The following NSD3 variants were observed in gnomAD, a reference collection of about 807,000 sequenced individuals.
NSD3 encodes the protein histone-lysine N-methyltransferase NSD3.
NSD3 carries 24 observed loss-of-function variants against 160.8 expected under a neutral mutation model. The ratio of observed to expected loss-of-function variants is 0.15; its 90% CI spans 0.11 to 0.21. The LOEUF is 0.21. NSD3 is among the 10% of genes least tolerant of loss of function. The pLI, the probability that NSD3 is intolerant of heterozygous loss-of-function variation, is 1.00. For missense variants in NSD3, 1,157 were observed against 1,735.9 expected, an observed-to-expected ratio of 0.67 and a Z score of 5.93; for synonymous variants, 520 against 600.0, an observed-to-expected ratio of 0.87 and a Z score of 1.95.
rs370898013 is a variant in NSD3 at position 38,314,765 on chromosome 8, T to C, written c.2124A>G (p.Glu708=). ...SKKDTVCQIC[E]SSGDSLIPCE... is the part of the protein sequence containing the mutation. Reference sequence around the variant, plus strand: ...AAGGAATCAGAGAGTCACCAGAGCTTTCACAAATCTGTAATATGGCAAAAA... The same window carrying C: ...AAGGAATCAGAGAGTCACCAGAGCTCTCACAAATCTGTAATATGGCAAAAA... Residue 708 remains glutamate, a synonymous_variant, in exon 12 of 24, where the codon GAA becomes GAG. Coordinates refer to ENST00000317025, the MANE Select transcript of NSD3 (RefSeq NM_023034.2). The C allele has an allele frequency of 1.2e-6, 2 of 1,613,888 alleles. No homozygotes were observed. Among genetic ancestry groups the C allele is most frequent in the Middle Eastern group, 1.6e-4 (1 of 6,062 alleles).
chr8:38,340,209 G>C (rs993924324), intron 2 of NSD3, among the ~76,000 whole-genome samples: 3 of 151,898 alleles, frequency 2.0e-5, no homozygotes, highest in Non-Finnish European at 4.4e-5. Flanking sequence ...CATTAAAGTA[G>C]GTCTTCACTC....
At chr8:38,300,029 AC>A (rs2131004965) in intron 14 of NSD3, among the ~76,000 whole-genome samples, 1 of 152,158 alleles carries the variant, frequency 6.6e-6, no homozygotes, top group South Asian at 2.1e-4. Flanking sequence ...ATCAAGTAGC[AC>A]TTTAATGCAG....
At chr8:38,359,149 A>T (rs1810897674) in intron 1 of NSD3, among the ~76,000 whole-genome samples, 1 of 152,190 alleles carries the variant, frequency 6.6e-6, no homozygotes, top group Non-Finnish European at 1.5e-5. Context: ...GGTATTGCCC[A>T]TTTAGGTTTT....
chr8:38,347,280 C>T (rs185496262), intron 2 of NSD3, among the ~76,000 whole-genome samples: 34 of 152,230 alleles, frequency 2.2e-4, no homozygotes, highest in African/African-American at 7.7e-4. Flanking sequence ...CAGAAAGATT[C>T]GTTTTACATG....
intron 1 of NSD3, among the ~76,000 whole-genome samples, chr8:38,358,837 G>C (rs917049827): frequency 6.6e-6 from 1 of 151,984 alleles, no homozygotes; most frequent in Non-Finnish European, 1.5e-5. Flanking sequence ...AAAGATCTCC[G>C]GGTGACAGCA....
chr8:38,307,437 A>G (rs1486508284), intron 12 of NSD3, among the ~76,000 whole-genome samples: 1 of 152,126 alleles, frequency 6.6e-6, no homozygotes, highest in Non-Finnish European at 1.5e-5. Flanking sequence ...AAGTACATTC[A>G]CTTTCTGCCT....
intron 1 of NSD3, among the ~76,000 whole-genome samples, chr8:38,358,260 G>A (rs1324245594): frequency 6.6e-6 from 1 of 152,020 alleles, no homozygotes; most frequent in Non-Finnish European, 1.5e-5. Flanking sequence ...CTTGATAGAT[G>A]TACATGAGAA....
intron 22 of NSD3, among the ~76,000 whole-genome samples, chr8:38,277,360 C>A (rs938345328): frequency 6.6e-6 from 1 of 152,236 alleles, no homozygotes; most frequent in Non-Finnish European, 1.5e-5. Flanking sequence ...TCACTGCAAC[C>A]TCTGCCTCCC....
chr8:38,336,301 C>A (rs1810214303), intron 4 of NSD3: 2 of 152,204 alleles, frequency 1.3e-5, no homozygotes, highest in Admixed American at 1.3e-4. Context: ...TAAGCAAGTT[C>A]ATTTCAAATG....
chr8:38,377,841 A>T (rs1212465996), intron 1 of NSD3, among the ~76,000 whole-genome samples: 1 of 151,994 alleles, frequency 6.6e-6, no homozygotes, highest in African/African-American at 2.4e-5. Context: ...ACTGAGGCAG[A>T]AGAACCGCTT....
At chr8:38,371,262 A>G (rs917695345) in intron 1 of NSD3, among the ~76,000 whole-genome samples, 1 of 152,150 alleles carries the variant, frequency 6.6e-6, no homozygotes, top group Non-Finnish European at 1.5e-5. Flanking sequence ...TTGTCTTTAT[A>G]CCTTCTGGTT....
intron 16 of NSD3, among the ~76,000 whole-genome samples, chr8:38,293,324 G>A (rs531319061): frequency 2.6e-5 from 4 of 152,092 alleles, no homozygotes; most frequent in East Asian, 1.9e-4. Context: ...GGCTGAGGCC[G>A]GTGGATCAGG....
chr8:38,302,770 G>T (rs1809306906), intron 14 of NSD3, among the ~76,000 whole-genome samples: 2 of 152,118 alleles, frequency 1.3e-5, no homozygotes, highest in South Asian at 4.1e-4. Context: ...GAGTAGCTGG[G>T]ACCACAGGCA....
At chr8:38,348,571 A>G (rs1051806513) in intron 1 of NSD3, among the ~76,000 whole-genome samples, 1 of 152,246 alleles carries the variant, frequency 6.6e-6, no homozygotes, top group Non-Finnish European at 1.5e-5. Flanking sequence ...GTCCTGACAC[A>G]TATCAATCTG....
In NSD3 at chr8:38,277,177, G is replaced by A. The variant is rs567973925; in HGVS notation, c.3868-677C>T. On this transcript the variant is annotated intron_variant, in intron 22 of 23. Coordinates refer to ENST00000317025, the MANE Select transcript of NSD3 (RefSeq NM_023034.2). ...GGCTGGTCTTGAACTCCTGAGCTCA[G>A]GCAATCCGCCTGCCTTGGCCTCCCA... is the stretch of plus-strand genomic sequence containing the variant. Among the ~76,000 whole-genome samples the A allele has an allele frequency of 4.0e-3, 615 of 152,116 alleles. 3 individuals are homozygous for A. Among genetic ancestry groups the A allele is most frequent in the Non-Finnish European group, 6.8e-3 (460 of 68,014 alleles).
intron 20 of NSD3, 22 bp downstream of exon 20, chr8:38,281,445 C>CA (rs201055991): frequency 0.045 from 41,614 of 918,958 alleles, 4 homozygotes; most frequent in Non-Finnish European, 0.049. Context: ...CTTTTTCTTA[C>CA]AAAAAAAAAA....
chr8:38,316,126 T>C lies in NSD3; in HGVS notation c.1856-84A>G, dbSNP rs1809657050. 6 of 1,545,776 alleles carry C rather than the reference T, an allele frequency of 3.9e-6. 1 individual carries two copies. In the South Asian group the frequency reaches 7.3e-5, roughly 19 times the overall value. Reference sequence around the variant, plus strand: ...TTTGTGTGTGGGAGAATATTTTCTTTTCTCAAACTCATCTTTAGTGTGGAA... The same window carrying C: ...TTTGTGTGTGGGAGAATATTTTCTTCTCTCAAACTCATCTTTAGTGTGGAA... On this transcript the variant is annotated intron_variant, in intron 9 of 23. Coordinates refer to ENST00000317025, the MANE Select transcript of NSD3 (RefSeq NM_023034.2). The surrounding 1 kb of genome is among the most constrained non-coding windows in gnomAD (Gnocchi z 4.5).
At position 38,273,299 on chromosome 8, in the gene NSD3, AT is replaced by A; in HGVS notation, c.*2341del. On this transcript the variant is annotated 3_prime_UTR_variant, in exon 24 of 24. Transcript: ENST00000317025. ...GTGTGAGCCACTGCACCTGGCAGCT[AT>A]TTTGTTTTCTACTCTGATTTCTGAA... The A allele has an allele frequency of 6.6e-6, 1 of 152,144 alleles. No homozygotes were observed. Among genetic ancestry groups the A allele is most frequent in the East Asian group, 1.9e-4 (1 of 5,190 alleles). 9.4% of individuals were successfully genotyped at this position (152,144 alleles called of 1,614,324 possible).
At position 38,317,349 on chromosome 8, in the gene NSD3, T is replaced by C. The variant is rs1306239595; in HGVS notation, c.1856-1307A>G. On this transcript the variant is annotated intron_variant, in intron 9 of 23. Transcript: ENST00000317025. The surrounding 1 kb of genome is among the most constrained non-coding windows in gnomAD (Gnocchi z 5.3). ...ATCTATCTCCTTCATTGCTGGTGTA[T>C]GGACCCAGAACACCATCACAAAATA... The C allele has an allele frequency of 2.8e-6, 3 of 1,057,600 alleles. No individual in the cohort carries two copies. Among genetic ancestry groups the C allele is most frequent in the East Asian group, 5.3e-5 (1 of 19,044 alleles). 65.5% of individuals were successfully genotyped at this position (1,057,600 alleles called of 1,614,324 possible). A position where few individuals can be genotyped will look rare whatever the true frequency, so the allele number is the denominator to read the frequency against.
Sources: gnomAD v4.1 joint callset for allele counts (sites outside exome capture counted in the v4.1 genomes callset) on GRCh38, gnomAD v4.1.1 for gene constraint, Gnocchi (gnomAD v3.1) non-coding constraint, MANE v1.5 for transcripts, NCBI Gene and HGNC (gene_info 2026-07-23, HGNC 2026-07-21) for gene names.